The following POLR1A variants were observed in gnomAD, a reference collection of about 807,000 sequenced individuals.
POLR1A encodes the protein RNA polymerase I subunit A, also known as DNA-directed RNA polymerase I subunit RPA1.
POLR1A carries 84 observed loss-of-function variants against 205.3 expected under a neutral mutation model. The ratio of observed to expected loss-of-function variants is 0.41; its 90% CI spans 0.34 to 0.49. POLR1A has a LOEUF of 0.49. Among genes scored for constraint, POLR1A ranks in the 20% least tolerant of loss-of-function variants. The probability of loss-of-function intolerance (pLI) is 0.22; values close to 1 mark genes in which losing one functional copy is unlikely to be tolerated. For synonymous variants in POLR1A, 799 were observed against 863.7 expected (o/e 0.93, Z 1.31); for missense variants, 1,645 against 2,204.5 (o/e 0.75, Z 5.08).
chr2:86,046,958 C>T (rs951636648), intron 19 of POLR1A, among the ~76,000 whole-genome samples: 3 of 152,168 alleles, frequency 2.0e-5, no homozygotes, highest in Admixed American at 6.5e-5. Context: ...TATATATCTA[C>T]GTTATACATA....
At chr2:86,082,929 A>G (rs1673431830) in intron 7 of POLR1A, among the ~76,000 whole-genome samples, 153 bp downstream of exon 7, 1 of 152,188 alleles carries the variant, frequency 6.6e-6, no homozygotes, top group African/African-American at 2.4e-5. Context: ...CTCAATGTCA[A>G]TGTGCCCTGA....
intron 13 of POLR1A, among the ~76,000 whole-genome samples, chr2:86,066,194 C>T (rs533977526): frequency 9.2e-5 from 14 of 152,238 alleles, no homozygotes; most frequent in South Asian, 6.2e-4. Flanking sequence ...GAAGGGGTTC[C>T]GGCACAGGTT....
chr2:86,103,320 C>A (rs945685906), intron 1 of POLR1A, among the ~76,000 whole-genome samples: 6 of 151,978 alleles, frequency 3.9e-5, no homozygotes, highest in African/African-American at 1.5e-4. Flanking sequence ...TGGATGTGTG[C>A]CCGTGGTGCT....
chr2:86,038,928 C>T lies in POLR1A; in HGVS notation c.3877-71G>A, dbSNP rs148960866. 2.3e-4 allele frequency: 333 copies of T among 1,422,942 alleles called. 1 individual carries two copies. In the African/African-American group the frequency reaches 3.2e-3, roughly 13 times the overall value. 88.1% of individuals were successfully genotyped at this position (1,422,942 alleles called of 1,614,324 possible). ...GTGACTGCGCAATGTGAGTGGGTTA[C>T]GAGACCCAAGGGTTTACAGAGATAG... On this transcript the variant is annotated intron_variant, in intron 26 of 33. Coordinates refer to ENST00000263857, the MANE Select transcript of POLR1A (RefSeq NM_015425.6).
Position 86,052,827 on chromosome 2 carries a change from G to T in POLR1A, c.2382C>A (p.Gly794=). 1 of 1,553,508 alleles carries T rather than the reference G, an allele frequency of 6.4e-7. No homozygotes were observed. Among genetic ancestry groups the T allele is most frequent in the South Asian group, 1.2e-5 (1 of 83,956 alleles). The change falls in exon 16 of 34, where the codon GGC becomes GGA. Residue 794 remains glycine (G), a synonymous_variant. Transcript: ENST00000263857. ...GAGCCCGGCACTTACCCAAGGTGAA[G>T]CCTCTGTAGAGCTGCAGGTAGGCGG... ...LFTAYLQLYR[G]FTLGVEDILV...
rs1487441599 is a variant in POLR1A, at chr2:86,027,401, G to A, written c.*22C>T. ...CCTCACCAAGGGTCCTTGGAGCTGGGCAGATGGTGCCGGGGTAGCTGCTAT... is the reference window on the plus strand; with the variant it reads ...CCTCACCAAGGGTCCTTGGAGCTGGACAGATGGTGCCGGGGTAGCTGCTAT... On this transcript the variant is annotated 3_prime_UTR_variant, in exon 34 of 34. Transcript: ENST00000263857. 7 of 1,598,628 alleles carry A rather than the reference G, an allele frequency of 4.4e-6. No homozygotes were observed. The East Asian group carries it at 1.6e-4, about 36-fold the overall frequency.
Position 86,028,849 on chromosome 2 carries a change from G to A in POLR1A, c.4780-138C>T. 1.5e-6 allele frequency: 1 copy of A among 650,434 alleles called. No individual in the cohort carries two copies. Among genetic ancestry groups the A allele is most frequent in the Non-Finnish European group, 2.8e-6 (1 of 360,300 alleles). The allele number at this position is 650,434 out of a possible 1,614,324, so 40.3% of individuals were successfully genotyped here. On this transcript the variant is annotated intron_variant, in intron 31 of 33. Transcript: ENST00000263857. This position sits in a 1 kb window ranked among gnomAD's most constrained non-coding sequence, Gnocchi z 4.5. Reference sequence around the variant, plus strand: ...GCTGATGACAAAGTGGTCAAGAGGTGGCCCAGGATTAGCAGAAGGAAATGG... The same window carrying A: ...GCTGATGACAAAGTGGTCAAGAGGTAGCCCAGGATTAGCAGAAGGAAATGG...
intron 26 of POLR1A, 95 bp downstream of exon 26, chr2:86,039,232 G>A: frequency 7.4e-7 from 1 of 1,357,944 alleles, no homozygotes; most frequent in Non-Finnish European, 1.0e-6. Flanking sequence ...CTGAGCCTAG[G>A]GTCAGAGCAG....
In POLR1A at chr2:86,027,510, C is replaced by A. The variant is rs373389378; in HGVS notation, c.5076G>T (p.Glu1692Asp). 34 of 1,613,988 alleles carry A rather than the reference C, an allele frequency of 2.1e-5. No individual in the cohort carries two copies. The Admixed American group carries it at 4.5e-4, about 21-fold the overall frequency. ...CAAGGCAGGCAGAAGGAGACCTCAG[C>A]TCATCGTGGGATCCTGACAGAGACA... ...KQATMLGSHD[E>D]LRSPSACLVV... is the part of the protein sequence containing the mutation. The change falls in exon 34 of 34, where the codon GAG becomes GAT. Residue 1692 changes from glutamate to aspartate, a missense_variant. Physicochemically the swap from Glu to Asp is conservative, Grantham distance 45. Transcript: ENST00000263857.
Position 86,068,390 on chromosome 2 carries a change from G to GGGGGGGC in POLR1A, c.1866+1627_1866+1628insGCCCCCC, listed in dbSNP as rs1553436053. ...ACGCACAGCCAAGCACATGGGCGGG[G>GGGGGGGC]GGGGGGGGCGGGTGTCGTCCAAAGC... On this transcript the variant is annotated intron_variant, in intron 13 of 33. Coordinates refer to ENST00000263857, the MANE Select transcript of POLR1A (RefSeq NM_015425.6). 1.2e-4 allele frequency among the ~76,000 whole-genome samples: 14 copies of GGGGGGGC among 117,580 alleles called. 1 individual carries two copies. The highest frequency in any genetic ancestry group is 4.5e-4 in the African/African-American group (14 of 31,192). The allele number at this position is 117,580 out of a possible 152,430, so 77.1% of individuals were successfully genotyped here.
intron 6 of POLR1A, among the ~76,000 whole-genome samples, chr2:86,087,670 G>A (rs1022856679): frequency 6.6e-6 from 1 of 152,166 alleles, no homozygotes; most frequent in African/African-American, 2.4e-5. Flanking sequence ...AGCCTCCTGA[G>A]TAGCTGAGAT....
intron 14 of POLR1A, among the ~76,000 whole-genome samples, chr2:86,062,837 G>T (rs978763717): frequency 2.0e-5 from 3 of 152,074 alleles, no homozygotes; most frequent in African/African-American, 7.2e-5. Flanking sequence ...TCAATGTCAG[G>T]AATGAGAGAA....
At chr2:86,089,475 G>A (rs555519568) in intron 4 of POLR1A, among the ~76,000 whole-genome samples, 2 of 152,330 alleles carry the variant, frequency 1.3e-5, no homozygotes, top group South Asian at 4.1e-4. Context: ...TAATACTTAG[G>A]CAGTATATGA....
At position 86,043,193 on chromosome 2, in the gene POLR1A, C is replaced by T. The variant is rs753886666; in HGVS notation, c.3138G>A (p.Val1046=). The T allele has an allele frequency of 6.2e-7, 1 of 1,608,972 alleles. No individual in the cohort carries two copies. The highest frequency in any genetic ancestry group is 1.7e-5 in the Admixed American group (1 of 59,860). The change falls in exon 23 of 34, where the codon GTG becomes GTA. Residue 1046 remains valine, a splice_region_variant and synonymous_variant. Transcript: ENST00000263857. The part of the protein sequence containing the change: ...QFPFLASNYE[V]IMKSQHLHEV... ...CATGGAGATGCTGTGATTTCATTAT[C>T]ACCTAAACAAACAAACAAAAAAACA... is the stretch of plus-strand genomic sequence containing the variant.
intron 8 of POLR1A, 86 bp from the exon 9 acceptor site, chr2:86,081,064 G>A (rs1673392520): frequency 8.1e-7 from 1 of 1,236,572 alleles, no homozygotes; most frequent in African/African-American, 1.5e-5. Context: ...CTACTGTAGG[G>A]AGCACACCCC....
At chr2:86,093,635 C>T (rs1289164913) in intron 3 of POLR1A, among the ~76,000 whole-genome samples, 1 of 152,080 alleles carries the variant, frequency 6.6e-6, no homozygotes, top group Non-Finnish European at 1.5e-5. Flanking sequence ...CAAGGCCAGC[C>T]CGGCCAAAAC....
In POLR1A at chr2:86,098,765, A is replaced by C; in HGVS notation, c.283-5T>G. Reference sequence around the variant, plus strand: ...CCGAAGCAGCAGGTACAGCTTCTGAAGAGAGGGAATAAAAACAAACAGGAT... The same window carrying C: ...CCGAAGCAGCAGGTACAGCTTCTGACGAGAGGGAATAAAAACAAACAGGAT... On this transcript the variant is annotated splice_polypyrimidine_tract_variant and splice_region_variant and intron_variant, in intron 2 of 33. Coordinates refer to ENST00000263857, the MANE Select transcript of POLR1A (RefSeq NM_015425.6). The C allele has an allele frequency of 6.2e-7, 1 of 1,613,974 alleles. No individual in the cohort carries two copies. The highest frequency in any genetic ancestry group is 8.5e-7 in the Non-Finnish European group (1 of 1,179,876).
At chr2:86,048,797 T>G in intron 18 of POLR1A, 87 bp downstream of exon 18, 1 of 1,236,072 alleles carries the variant, frequency 8.1e-7, no homozygotes, top group Non-Finnish European at 1.2e-6. Flanking sequence ...AGGTGCTCTG[T>G]AGGGCCCAGG....
chr2:86,061,873 C>T (rs1055970070), intron 14 of POLR1A, among the ~76,000 whole-genome samples: 1 of 152,076 alleles, frequency 6.6e-6, no homozygotes, highest in African/African-American at 2.4e-5. Context: ...TCTGGGGGTG[C>T]TGGTGATATG....
Sources: allele counts gnomAD v4.1 joint callset (sites outside exome capture counted in the v4.1 genomes callset), GRCh38; gene constraint gnomAD v4.1.1; non-coding constraint Gnocchi (gnomAD v3.1); transcripts MANE v1.5; gene names NCBI Gene and HGNC (gene_info 2026-07-23, HGNC 2026-07-21).